Variants in ABLIM1 observed in about 807,000 individuals in gnomAD.
ABLIM1 encodes the protein actin-binding LIM protein 1.
ABLIM1 carries 40 observed loss-of-function variants against 107.0 expected under a neutral mutation model. The observed-to-expected ratio is 0.37, with a 90% CI of 0.29 to 0.49. The LOEUF is 0.49. Among genes scored for constraint, ABLIM1 ranks in the 20% least tolerant of loss-of-function variants. The pLI is 0.97. For synonymous variants in ABLIM1, 357 were observed against 357.3 expected (o/e 1.00, Z 0.01); for missense variants, 857 against 1,008.5 (o/e 0.85, Z 2.04).
upstream of ABLIM1, among the ~76,000 whole-genome samples, chr10:114,688,886 C>G (rs1271215948): frequency 6.6e-6 from 1 of 152,264 alleles, no homozygotes; most frequent in African/African-American, 2.4e-5. Context: ...AAAAATTTAG[C>G]GTATACCCAA....
rs534266240 is a variant in ABLIM1 at position 114,502,625 on chromosome 10, C to T, written c.895-10747G>A. ...GATTCTAGTGCCTCAGCCACCTGAGCAGCTGGGATTACAGGTATGCGCCAC... is the reference window on the plus strand; with the variant it reads ...GATTCTAGTGCCTCAGCCACCTGAGTAGCTGGGATTACAGGTATGCGCCAC... On this transcript the variant is annotated intron_variant, in intron 6 of 22. Coordinates refer to ENST00000533213, the MANE Select transcript of ABLIM1 (RefSeq NM_002313.7). Among the ~76,000 whole-genome samples the T allele has an allele frequency of 8.0e-4, 122 of 152,176 alleles. No homozygotes were observed. The Middle Eastern group carries it at 0.014, about 17-fold the overall frequency.
intron 1 of ABLIM1, among the ~76,000 whole-genome samples, chr10:114,697,328 A>T (rs1223037103): frequency 1.3e-5 from 2 of 152,244 alleles, no homozygotes; most frequent in African/African-American, 4.8e-5. Context: ...AAAAGTACAA[A>T]CTAAAGAACT....
intron 1 of ABLIM1, among the ~76,000 whole-genome samples, chr10:114,621,988 T>C (rs1258309432): frequency 6.6e-6 from 1 of 152,224 alleles, no homozygotes; most frequent in Non-Finnish European, 1.5e-5. Flanking sequence ...GCTCTCGTCC[T>C]GCGGACTCCA....
intron 1 of ABLIM1, among the ~76,000 whole-genome samples, chr10:114,669,404 T>TG: frequency 6.6e-6 from 1 of 152,306 alleles, no homozygotes; most frequent in Non-Finnish European, 1.5e-5. Context: ...GTAATTAACC[T>TG]CACCTAAGAG....
the ABLIM1 span, among the ~76,000 whole-genome samples, chr10:114,780,522 C>T: frequency 3.9e-3 from 598 of 152,188 alleles, 4 homozygotes; most frequent in Non-Finnish European, 5.3e-3. Context: ...CTTATCATGC[C>T]GGGTAAAACT....
intron 17 of ABLIM1, 118 bp downstream of exon 17, chr10:114,443,911 C>T: frequency 1.3e-6 from 1 of 789,224 alleles, no homozygotes; most frequent in Non-Finnish European, 2.0e-6. Context: ...GGGTTTCCCA[C>T]ACTTCCTTTC....
At chr10:114,650,135 G>A (rs1361388551) in intron 1 of ABLIM1, among the ~76,000 whole-genome samples, 3 of 152,138 alleles carry the variant, frequency 2.0e-5, no homozygotes, top group South Asian at 2.1e-4. Context: ...GATTACAGGC[G>A]TGAGCCACTG....
chr10:114,621,276 G>A (rs4752040), intron 1 of ABLIM1, among the ~76,000 whole-genome samples: 32,605 of 151,950 alleles, frequency 0.21, 4,524 homozygotes, highest in African/African-American at 0.4. Context: ...ATTTCACATT[G>A]TATCATAATG....
chr10:114,662,124 G>C (rs2141260136), upstream of ABLIM1, among the ~76,000 whole-genome samples: 1 of 152,242 alleles, frequency 6.6e-6, no homozygotes, highest in South Asian at 2.1e-4. Flanking sequence ...AATTTTCTCA[G>C]AGAGCAAATT....
At chr10:114,503,432 G>A (rs2060697256) in intron 6 of ABLIM1, among the ~76,000 whole-genome samples, 1 of 151,626 alleles carries the variant, frequency 6.6e-6, no homozygotes, top group Non-Finnish European at 1.5e-5. Flanking sequence ...GCCTGGAACA[G>A]AAAGAGATGT....
At chr10:114,634,403 AT>A (rs1360822099) in intron 1 of ABLIM1, among the ~76,000 whole-genome samples, 6 of 151,830 alleles carry the variant, frequency 4.0e-5, no homozygotes, top group Non-Finnish European at 8.8e-5. Context: ...AAGTGCTGGG[AT>A]TACAGGCGTG....
intron 1 of ABLIM1, among the ~76,000 whole-genome samples, chr10:114,616,265 C>G (rs2077127099): frequency 6.6e-6 from 1 of 152,186 alleles, no homozygotes; most frequent in Admixed American, 6.5e-5. Flanking sequence ...TACCTATAGC[C>G]AACAGCCAGC....
intron 1 of ABLIM1, among the ~76,000 whole-genome samples, chr10:114,740,421 T>A (rs1314541428): frequency 6.6e-6 from 1 of 151,932 alleles, no homozygotes; most frequent in Non-Finnish European, 1.5e-5. Context: ...TAATTTTGCT[T>A]GGGACTGTGT....
intron 6 of ABLIM1, among the ~76,000 whole-genome samples, chr10:114,541,624 G>A (rs2066670519): frequency 6.6e-6 from 1 of 152,200 alleles, no homozygotes; most frequent in South Asian, 2.1e-4. Flanking sequence ...TCTGCTGGGT[G>A]GAGGCTGAAC....
chr10:114,450,141 G>A (rs1325232805), intron 14 of ABLIM1: 23 of 370,000 alleles, frequency 6.2e-5, no homozygotes, highest in Non-Finnish European at 1.2e-4. Flanking sequence ...CAGTACTTAC[G>A]CATTAGAATT....
At chr10:114,525,317 G>A (rs946997067) in intron 6 of ABLIM1, among the ~76,000 whole-genome samples, 18 of 152,244 alleles carry the variant, frequency 1.2e-4, no homozygotes, top group African/African-American at 4.3e-4. Context: ...CCTTTTAGGT[G>A]AGCTATTGTT....
intron 8 of ABLIM1, among the ~76,000 whole-genome samples, chr10:114,478,288 A>C (rs1185509328): frequency 6.6e-6 from 1 of 152,186 alleles, no homozygotes; most frequent in African/African-American, 2.4e-5. Context: ...AAGTCAGGTG[A>C]ACTGGTCATC....
chr10:114,735,138 C>T (rs894732160), intron 1 of ABLIM1, among the ~76,000 whole-genome samples: 13 of 152,138 alleles, frequency 8.5e-5, no homozygotes, highest in Admixed American at 7.9e-4. Flanking sequence ...CTCAAGAAGT[C>T]CCCAGTTGAG....
intron 1 of ABLIM1, among the ~76,000 whole-genome samples, chr10:114,617,974 C>T (rs1201278518): frequency 7.9e-5 from 12 of 152,122 alleles, no homozygotes; most frequent in East Asian, 5.8e-4. Flanking sequence ...TTTAAAAAAC[C>T]CAAAGAAACA....
Sources: gnomAD v4.1 joint callset for allele counts (sites outside exome capture counted in the v4.1 genomes callset) on GRCh38, gnomAD v4.1.1 for gene constraint, MANE v1.5 for transcripts, NCBI Gene and HGNC (gene_info 2026-07-23, HGNC 2026-07-21) for gene names.